JMJD1C: variants seen among roughly 807,000 people sequenced by gnomAD.
JMJD1C encodes jumonji domain containing 1C.
JMJD1C carries 31 observed loss-of-function variants against 245.3 expected under a neutral mutation model. The ratio of observed to expected loss-of-function variants is 0.13; its 90% CI spans 0.09 to 0.17. The LOEUF (loss-of-function observed/expected upper bound fraction) is 0.17. Ranked by LOEUF, JMJD1C falls within the 10% of genes least tolerant of loss-of-function variation. The probability of loss-of-function intolerance (pLI) is 1.00; values close to 1 mark genes in which losing one functional copy is unlikely to be tolerated. For missense variants in JMJD1C, 2,691 were observed against 3,000.2 expected, an observed-to-expected ratio of 0.90 and a Z score of 2.41; for synonymous variants, 1,057 against 1,017.4, an observed-to-expected ratio of 1.04 and a Z score of -0.74.
In JMJD1C at chr10:63,193,024, T is replaced by C. The variant is rs570457493; in HGVS notation, c.5990A>G (p.Asp1997Gly). ...GGATTCTGGAGGAGTTAACTTGTTATCTGTGCCTACATCACTCTCTGGGCT... is the reference window on the plus strand; with the variant it reads ...GGATTCTGGAGGAGTTAACTTGTTACCTGTGCCTACATCACTCTCTGGGCT... ...GSSPESDVGTDNKLTPPESQS... is the reference protein window; with the variant it reads ...GSSPESDVGTGNKLTPPESQS... Residue 1997 changes from aspartate (D) to glycine (G), a missense_variant, in exon 16 of 26, where the codon GAT (aspartate) becomes GGT (glycine). Coordinates refer to ENST00000399262, the MANE Select transcript of JMJD1C (RefSeq NM_032776.3). 44 of 1,614,188 alleles carry C rather than the reference T, an allele frequency of 2.7e-5. 1 individual carries two copies. The South Asian group carries it at 4.1e-4, about 15-fold the overall frequency.
intron 2 of JMJD1C, among the ~76,000 whole-genome samples, chr10:63,334,221 G>T (rs1942457966): frequency 6.6e-6 from 1 of 152,122 alleles, no homozygotes; most frequent in Non-Finnish European, 1.5e-5. Context: ...AGAGGACATG[G>T]TTTTTTCTGT....
In JMJD1C at chr10:63,316,122, T is replaced by C. The variant is rs141790528; in HGVS notation, c.334-51358A>G. On this transcript the variant is annotated intron_variant, in intron 2 of 25. Coordinates refer to ENST00000399262, the MANE Select transcript of JMJD1C (RefSeq NM_032776.3). ...GAGACTATGAAGCTGCAGTGAGCTA[T>C]GGTTGCACCACTGCACTCCAGCCTG... 5.0e-3 allele frequency among the ~76,000 whole-genome samples: 762 copies of C among 151,412 alleles called. 6 individuals are homozygous for C. The highest frequency in any genetic ancestry group is 0.017 in the African/African-American group (713 of 41,256).
intron 4 of JMJD1C, 112 bp from the exon 5 acceptor site, chr10:63,217,443 A>G (rs1206830317): frequency 1.2e-6 from 1 of 804,984 alleles, no homozygotes; most frequent in Non-Finnish European, 1.8e-6. Context: ...TCCAACTATC[A>G]GTTTTCAAAA....
chr10:63,372,979 G>A (rs751358528), intron 2 of JMJD1C: 5 of 242,942 alleles, frequency 2.1e-5, no homozygotes, highest in African/African-American at 6.8e-5. Context: ...GGTTAGGGTC[G>A]AAGCCCCACT....
At chr10:63,400,753 G>T (rs961943006) in intron 1 of JMJD1C, among the ~76,000 whole-genome samples, 3 of 151,000 alleles carry the variant, frequency 2.0e-5, no homozygotes, top group African/African-American at 7.3e-5. Flanking sequence ...GTAGAGACGG[G>T]GTTTCACTAT....
At chr10:63,168,915 A>C (rs1483405916) in intron 24 of JMJD1C, among the ~76,000 whole-genome samples, 3 of 152,200 alleles carry the variant, frequency 2.0e-5, no homozygotes, top group Non-Finnish European at 4.4e-5. Flanking sequence ...GAAAGAATTT[A>C]TGAGGCAATC....
At position 63,206,747 on chromosome 10, in the gene JMJD1C, C is replaced by T. The variant is rs1277560212; in HGVS notation, c.4922G>A (p.Arg1641Lys). 1 of 1,613,414 alleles carries T rather than the reference C, an allele frequency of 6.2e-7. No homozygotes were observed. Residue 1641 changes from arginine (R) to lysine (K), a missense_variant, in exon 10 of 26, where the codon AGG (arginine) becomes AAG (lysine). By Grantham distance (26) the Arg-to-Lys change is conservative. Coordinates refer to ENST00000399262, the MANE Select transcript of JMJD1C (RefSeq NM_032776.3). Reference sequence around the variant, plus strand: ...AGTTGGCTTAGGTTGTCTTTTAGTCCTTTGCTCTGACTTGCTTTCACTTTC... The same window carrying T: ...AGTTGGCTTAGGTTGTCTTTTAGTCTTTTGCTCTGACTTGCTTTCACTTTC... ...SDESESKSEQ[R>K]TKRQPKPTYK... is the part of the protein sequence containing the mutation.
chr10:63,308,837 T>C lies in JMJD1C; in HGVS notation c.334-44073A>G, dbSNP rs571442750. Among the ~76,000 whole-genome samples, 9 of 138,566 alleles carry C rather than the reference T, an allele frequency of 6.5e-5. No individual in the cohort carries two copies. In the East Asian group the frequency reaches 1.7e-3, roughly 26 times the overall value. 90.9% of individuals were successfully genotyped at this position (138,566 alleles called of 152,430 possible). On this transcript the variant is annotated intron_variant, in intron 2 of 25. Coordinates refer to ENST00000399262, the MANE Select transcript of JMJD1C (RefSeq NM_032776.3). The stretch of plus-strand genomic sequence containing the variant: ...AAGAAAATTTCCCAGGGCTGAAGAA[T>C]AAGTTGCCAGATTGAAAGGGCCTAA...
intron 1 of JMJD1C, among the ~76,000 whole-genome samples, chr10:63,472,428 T>A (rs1401554140): frequency 6.6e-6 from 1 of 151,968 alleles, no homozygotes; most frequent in Admixed American, 6.6e-5. Context: ...ACCTCCTGAG[T>A]TCAAGCAATT....
At chr10:63,290,429 C>T (rs1322551272) in intron 2 of JMJD1C, among the ~76,000 whole-genome samples, 7 of 152,048 alleles carry the variant, frequency 4.6e-5, no homozygotes, top group Admixed American at 1.3e-4. Flanking sequence ...GGCGTGGTGG[C>T]GGATGCCTGT....
At chr10:63,230,229 G>A (rs1015575233) in intron 3 of JMJD1C, among the ~76,000 whole-genome samples, 1 of 152,068 alleles carries the variant, frequency 6.6e-6, no homozygotes, top group Admixed American at 6.6e-5. Flanking sequence ...AGAATTAGTC[G>A]AGCATGGTGG....
chr10:63,302,449 A>T (rs1420382568), intron 2 of JMJD1C, among the ~76,000 whole-genome samples: 1 of 152,218 alleles, frequency 6.6e-6, no homozygotes, highest in African/African-American at 2.4e-5. Flanking sequence ...GATCTTTGCT[A>T]ATCTGATATT....
rs142358698 is a variant in JMJD1C at position 63,314,423 on chromosome 10, A to G, written c.334-49659T>C. Among the ~76,000 whole-genome samples, 209 of 152,278 alleles carry G rather than the reference A, an allele frequency of 1.4e-3. No individual in the cohort carries two copies. The Middle Eastern group carries it at 0.034, about 25-fold the overall frequency. On this transcript the variant is annotated intron_variant, in intron 2 of 25. Transcript: ENST00000399262. ...AAAAATGCAAAAGTTAGCCAGCCAT[A>G]GTGGCACACACCTGTAGTCCCAGCT... is the stretch of plus-strand genomic sequence containing the variant.
intron 1 of JMJD1C, among the ~76,000 whole-genome samples, chr10:63,482,466 T>C (rs1036678093): frequency 6.6e-6 from 1 of 152,094 alleles, no homozygotes. Context: ...CGAAACCTAG[T>C]CTGTACTAAA....
chr10:63,426,430 T>C (rs1273914531), intron 1 of JMJD1C, among the ~76,000 whole-genome samples: 1 of 152,168 alleles, frequency 6.6e-6, no homozygotes, highest in South Asian at 2.1e-4. Context: ...AATGACACTT[T>C]GGGAGGCCAA....
chr10:63,419,629 C>A (rs2132726184), intron 1 of JMJD1C, among the ~76,000 whole-genome samples: 1 of 152,004 alleles, frequency 6.6e-6, no homozygotes, highest in South Asian at 2.1e-4. Flanking sequence ...AAGGTAAAGA[C>A]CCTGATTGAG....
At chr10:63,495,175 C>T (rs1446142575) in intron 1 of JMJD1C, among the ~76,000 whole-genome samples, 1 of 151,684 alleles carries the variant, frequency 6.6e-6, no homozygotes, top group East Asian at 1.9e-4. Flanking sequence ...GTGGTCTCTA[C>T]ATACCATTTC....
At chr10:63,285,622 AC>A (rs921842176) in intron 2 of JMJD1C, among the ~76,000 whole-genome samples, 12 of 152,248 alleles carry the variant, frequency 7.9e-5, no homozygotes, top group African/African-American at 2.9e-4. Flanking sequence ...AGCCTGGGCA[AC>A]CTGGGGAGAT....
intron 2 of JMJD1C, among the ~76,000 whole-genome samples, chr10:63,345,253 G>C (rs567807314): frequency 2.6e-4 from 39 of 152,180 alleles, no homozygotes; most frequent in Non-Finnish European, 5.3e-4. Context: ...TTGTGAGGCC[G>C]AGGTGGGCGG....
Sources: gnomAD v4.1 joint callset for allele counts (sites outside exome capture counted in the v4.1 genomes callset) on GRCh38, gnomAD v4.1.1 for gene constraint, MANE v1.5 for transcripts, NCBI Gene and HGNC (gene_info 2026-07-23, HGNC 2026-07-21) for gene names.